The following PRMT8 variants were observed in gnomAD, a reference collection of about 807,000 sequenced individuals.
The protein encoded by PRMT8 is protein arginine N-methyltransferase 8.
PRMT8 carries 7 observed loss-of-function variants against 47.1 expected under a neutral mutation model. That is an observed-to-expected ratio of 0.15 (90% CI 0.08 to 0.28). The LOEUF is 0.28. Ranked by LOEUF, PRMT8 falls within the 10% of genes least tolerant of loss-of-function variation. PRMT8 has a pLI of 1.00. For synonymous variants in PRMT8, 188 were observed against 186.5 expected, an observed-to-expected ratio of 1.01 and a Z score of -0.07; for missense variants, 237 against 505.4, an observed-to-expected ratio of 0.47 and a Z score of 5.09.
At position 3,409,749 on chromosome 12, in the gene PRMT8, A is replaced by T. The variant is rs969875776; in HGVS notation, c.48+28307A>T. Among the ~76,000 whole-genome samples the T allele has an allele frequency of 1.6e-4, 24 of 152,146 alleles. No individual in the cohort carries two copies. The highest frequency in any genetic ancestry group is 5.8e-4 in the African/African-American group (24 of 41,520). On this transcript the variant is annotated intron_variant, in intron 1 of 9. Coordinates refer to the PRMT8 transcript ENST00000452611. This position sits in a 1 kb window ranked among gnomAD's most constrained non-coding sequence, Gnocchi z 4.4. ...TCATCCAAGGCATTTATTTCCTGGG[A>T]GGTTGGGAGCCACTTCAGCTCAGGT... is the stretch of plus-strand genomic sequence containing the variant.
chr12:3,433,459 G>A lies in PRMT8; in HGVS notation c.48+52017G>A, dbSNP rs144692538. On this transcript the variant is annotated intron_variant, in intron 1 of 9. Coordinates refer to the PRMT8 transcript ENST00000452611. ...TTAATCCTCGTAACCACCCTGCAGT[G>A]TAGATACTCCTACTGTCTCATTTTA... Among the ~76,000 whole-genome samples the A allele has an allele frequency of 5.0e-3, 755 of 152,302 alleles. 16 individuals are homozygous for A. The East Asian group carries it at 0.068, about 14-fold the overall frequency.
chr12:3,534,426 C>T (rs951751058), intron 1 of PRMT8, among the ~76,000 whole-genome samples: 1 of 151,998 alleles, frequency 6.6e-6, no homozygotes, highest in African/African-American at 2.4e-5. Flanking sequence ...CCAGCACCTT[C>T]ACTCTCCTTC....
chr12:3,563,601 T>C (rs1194293275), intron 4 of PRMT8, among the ~76,000 whole-genome samples: 6 of 151,960 alleles, frequency 3.9e-5, no homozygotes, highest in Non-Finnish European at 8.8e-5. Flanking sequence ...TTCTTTTCTC[T>C]CAACATCCCA....
At chr12:3,473,722 C>T (rs1865182258) in intron 1 of PRMT8, among the ~76,000 whole-genome samples, 1 of 152,166 alleles carries the variant, frequency 6.6e-6, no homozygotes, top group South Asian at 2.1e-4. Flanking sequence ...CTCCTTTATT[C>T]TGCTCCTTTA....
exon 1 of PRMT8, chr12:3,381,425 C>A (rs757785345): frequency 6.5e-7 from 1 of 1,536,098 alleles, no homozygotes; most frequent in South Asian, 1.2e-5. Flanking sequence ...TGGATTCAAG[C>A]TGAAAGAGGT....
chr12:3,544,802 G>A (rs1422962078), intron 2 of PRMT8, among the ~76,000 whole-genome samples: 3 of 152,196 alleles, frequency 2.0e-5, no homozygotes, highest in Admixed American at 6.5e-5. Context: ...TGGTTAGGCA[G>A]GATGTCTCTC....
intron 5 of PRMT8, 96 bp downstream of exon 5, chr12:3,568,944 G>A (rs1393639325): frequency 6.6e-7 from 1 of 1,512,318 alleles, no homozygotes; most frequent in Non-Finnish European, 9.0e-7. Context: ...AGACTTCAGA[G>A]AAGACTGAGG....
At chr12:3,450,583 C>G (rs191860754) in intron 1 of PRMT8, among the ~76,000 whole-genome samples, 49 of 152,286 alleles carry the variant, frequency 3.2e-4, no homozygotes, top group African/African-American at 1.0e-3. Flanking sequence ...AAATGGCTAT[C>G]AAACACCAAA....
chr12:3,399,152 C>A (rs1050324097), intron 1 of PRMT8, among the ~76,000 whole-genome samples: 1 of 152,182 alleles, frequency 6.6e-6, no homozygotes, highest in African/African-American at 2.4e-5. Context: ...CATTGTGGAG[C>A]AGGCCTGAGC....
intron 1 of PRMT8, among the ~76,000 whole-genome samples, chr12:3,522,336 C>T (rs1179994765): frequency 6.6e-6 from 1 of 152,180 alleles, no homozygotes; most frequent in Non-Finnish European, 1.5e-5. Flanking sequence ...TCACCACTTC[C>T]AGCCTGGCAG....
chr12:3,447,064 G>A (rs551562611), intron 1 of PRMT8, among the ~76,000 whole-genome samples: 1 of 152,246 alleles, frequency 6.6e-6, no homozygotes, highest in Non-Finnish European at 1.5e-5. Flanking sequence ...TAGCTCCCAG[G>A]GACCTGTTCA....
chr12:3,568,927 C>T, intron 5 of PRMT8, 79 bp downstream of exon 5: 2 of 1,570,174 alleles, frequency 1.3e-6, no homozygotes, highest in Non-Finnish European at 8.7e-7. Context: ...GCCTAGGAGG[C>T]ATACGAAGAC....
At chr12:3,450,271 G>A (rs1294119655) in intron 1 of PRMT8, among the ~76,000 whole-genome samples, 2 of 152,164 alleles carry the variant, frequency 1.3e-5, no homozygotes, top group Non-Finnish European at 2.9e-5. Context: ...ACATTAAAAT[G>A]TATTGGTTTA....
chr12:3,507,916 G>A (rs375719631), intron 1 of PRMT8, among the ~76,000 whole-genome samples: 66 of 152,014 alleles, frequency 4.3e-4, no homozygotes, highest in African/African-American at 1.4e-3. Context: ...GTGCCACCAC[G>A]CCCTGCTAAT....
intron 1 of PRMT8, among the ~76,000 whole-genome samples, chr12:3,465,122 C>CAAAAA (rs1386915523): frequency 4.5e-5 from 2 of 44,394 alleles, no homozygotes; most frequent in Non-Finnish European, 8.8e-5. Flanking sequence ...AACTCTGTCT[C>CAAAAA]AAAAAAAATA....
intron 1 of PRMT8, among the ~76,000 whole-genome samples, chr12:3,435,583 G>A (rs987835633): frequency 6.7e-5 from 10 of 148,340 alleles, no homozygotes; most frequent in African/African-American, 1.0e-4. Flanking sequence ...GTGCAGTGGC[G>A]CAGTGTTGGC....
chr12:3,469,830 C>T (rs1865140253), intron 1 of PRMT8, among the ~76,000 whole-genome samples: 1 of 152,150 alleles, frequency 6.6e-6, no homozygotes, highest in Non-Finnish European at 1.5e-5. Flanking sequence ...ATTCATCAAG[C>T]AGAGCCGCCT....
intron 1 of PRMT8, among the ~76,000 whole-genome samples, chr12:3,425,296 A>G (rs533288789): frequency 6.6e-6 from 1 of 152,350 alleles, no homozygotes; most frequent in East Asian, 1.9e-4. Flanking sequence ...TTTGCCCAAG[A>G]GTTAGCTTAT....
chr12:3,542,719 G>T (rs924549075), intron 2 of PRMT8, among the ~76,000 whole-genome samples: 1 of 152,186 alleles, frequency 6.6e-6, no homozygotes, highest in African/African-American at 2.4e-5. Context: ...CTCCGTGATC[G>T]GCTTCTTGGA....
Sources: allele counts gnomAD v4.1 joint callset (sites outside exome capture counted in the v4.1 genomes callset), GRCh38; gene constraint gnomAD v4.1.1; non-coding constraint Gnocchi (gnomAD v3.1); transcripts MANE v1.5; gene names NCBI Gene and HGNC (gene_info 2026-07-23, HGNC 2026-07-21).